EPHB1: variants seen among roughly 807,000 people sequenced by gnomAD.
The protein encoded by EPHB1 is ephrin type-B receptor 1.
In EPHB1, 30 loss-of-function variants were observed where a neutral mutation model predicts 94.4. That is an observed-to-expected ratio of 0.32 (90% CI 0.24 to 0.43). EPHB1 has a LOEUF of 0.43. EPHB1 is among the 20% of genes least tolerant of loss of function. EPHB1 has a pLI of 1.00. For missense variants in EPHB1, 1,055 were observed against 1,308.3 expected (o/e 0.81, Z 2.99); for synonymous variants, 522 against 489.1 (o/e 1.07, Z -0.89).
chr3:135,163,889 G>A (rs190595735), intron 7 of EPHB1, among the ~76,000 whole-genome samples: 6 of 152,278 alleles, frequency 3.9e-5, no homozygotes, highest in East Asian at 3.9e-4. Flanking sequence ...TCTGCAGAGC[G>A]AAGGTAGTCA....
chr3:135,003,544 A>G (rs1195549090), intron 3 of EPHB1, among the ~76,000 whole-genome samples: 1 of 151,074 alleles, frequency 6.6e-6, no homozygotes, highest in East Asian at 1.9e-4. Context: ...GATCTGTCTA[A>G]TGTTGACAGT....
intron 3 of EPHB1, among the ~76,000 whole-genome samples, chr3:135,100,967 G>A (rs11709421): frequency 0.23 from 34,486 of 151,980 alleles, 4,798 homozygotes; most frequent in Non-Finnish European, 0.32. Flanking sequence ...GGGGAGAGGG[G>A]TGCCATCAAA....
rs755049842 is a variant in EPHB1, at chr3:134,882,814, C to CTTTCTTTCTTTCTTTCTTTCTTTCT, written c.59-42991_59-42990insCTTTCTTTCTTTCTTTTCTTTCTTT. Among the ~76,000 whole-genome samples the CTTTCTTTCTTTCTTTCTTTCTTTCT allele has an allele frequency of 2.0e-3, 186 of 93,064 alleles. 1 individual carries two copies. The highest frequency in any genetic ancestry group is 4.4e-3 in the South Asian group (10 of 2,274). The allele number at this position is 93,064 out of a possible 152,430, so 61.1% of individuals were successfully genotyped here. ...TCTTTCTTTCTTTCTTTCTTTCTTT[C>CTTTCTTTCTTTCTTTCTTTCTTTCT]TTTCTTTCTTTTCTTTCTTTCTTTC... On this transcript the variant is annotated intron_variant, in intron 1 of 15. Transcript: ENST00000398015.
At chr3:134,827,954 G>A (rs1441963233) in intron 1 of EPHB1, among the ~76,000 whole-genome samples, 7 of 152,092 alleles carry the variant, frequency 4.6e-5, no homozygotes, top group Non-Finnish European at 8.8e-5. Flanking sequence ...CTCCTCACCA[G>A]CATCTCTTTG....
At chr3:134,809,802 G>A (rs2036134059) in intron 1 of EPHB1, among the ~76,000 whole-genome samples, 1 of 152,196 alleles carries the variant, frequency 6.6e-6, no homozygotes, top group Non-Finnish European at 1.5e-5. Flanking sequence ...AGATAATCCA[G>A]TGGTTCCTGA....
At chr3:135,010,898 A>G (rs1935599110) in intron 3 of EPHB1, among the ~76,000 whole-genome samples, 1 of 152,114 alleles carries the variant, frequency 6.6e-6, no homozygotes, top group Non-Finnish European at 1.5e-5. Flanking sequence ...CCCAACCTCC[A>G]TGATGTCAGT....
intron 1 of EPHB1, among the ~76,000 whole-genome samples, chr3:134,909,883 C>A (rs926477389): frequency 6.6e-6 from 1 of 152,174 alleles, no homozygotes; most frequent in Non-Finnish European, 1.5e-5. Context: ...AGACCAGGAT[C>A]AGCACTTCAA....
At position 135,204,667 on chromosome 3, in the gene EPHB1, A is replaced by AT. The variant is rs1052420777; in HGVS notation, c.2346+2992dup. 6.0e-3 allele frequency among the ~76,000 whole-genome samples: 850 copies of AT among 141,770 alleles called. 7 individuals are homozygous for AT. Among genetic ancestry groups the AT allele is most frequent in the East Asian group, 0.023 (111 of 4,918 alleles). The allele number at this position is 141,770 out of a possible 152,430, so 93.0% of individuals were successfully genotyped here. ...AGATGTGCGCCACTATGCCCTGCTA[A>AT]TTTTTTTTTTTTTTAAGTAGAGAAG... On this transcript the variant is annotated intron_variant, in intron 12 of 15. Coordinates refer to ENST00000398015, the MANE Select transcript of EPHB1 (RefSeq NM_004441.5).
chr3:135,182,589 C>T (rs78559824), intron 10 of EPHB1, among the ~76,000 whole-genome samples: 2,417 of 152,322 alleles, frequency 0.016, 26 homozygotes, highest in Middle Eastern at 0.034. Flanking sequence ...GAGCAGCATC[C>T]AGCTTGCTGT....
intron 3 of EPHB1, among the ~76,000 whole-genome samples, chr3:134,965,152 T>C (rs1933682663): frequency 6.6e-6 from 1 of 152,268 alleles, no homozygotes; most frequent in Admixed American, 6.5e-5. Flanking sequence ...ATTCTTTGCT[T>C]CCTTCACCTT....
chr3:135,220,204 G>A (rs765702525), intron 12 of EPHB1, among the ~76,000 whole-genome samples: 49 of 152,192 alleles, frequency 3.2e-4, no homozygotes, highest in Non-Finnish European at 6.0e-4. Context: ...AAGCAAGGGG[G>A]AAAGAGAGCA....
intron 15 of EPHB1, among the ~76,000 whole-genome samples, chr3:135,250,023 AAG>A (rs1283142982): frequency 6.6e-6 from 1 of 152,210 alleles, no homozygotes. Flanking sequence ...GAGAGCCAGA[AAG>A]AGTTTTAAAG....
chr3:134,890,292 T>C (rs1171911811), intron 1 of EPHB1, among the ~76,000 whole-genome samples: 2 of 152,392 alleles, frequency 1.3e-5, no homozygotes, highest in African/African-American at 4.8e-5. Flanking sequence ...TTCTGAATCA[T>C]GTCCCCTTTC....
intron 4 of EPHB1, among the ~76,000 whole-genome samples, chr3:135,125,155 A>G (rs746596866): frequency 6.6e-6 from 1 of 151,598 alleles, no homozygotes; most frequent in Non-Finnish European, 1.5e-5. Context: ...ATTACTTACC[A>G]GTCTGTCCAC....
intron 4 of EPHB1, among the ~76,000 whole-genome samples, chr3:135,125,903 G>T (rs1162479900): frequency 2.6e-5 from 4 of 152,034 alleles, no homozygotes; most frequent in African/African-American, 9.7e-5. Context: ...CTTGAATTCT[G>T]CTTCCCCATA....
At chr3:135,056,261 T>C (rs1937343970) in intron 3 of EPHB1, among the ~76,000 whole-genome samples, 1 of 152,236 alleles carries the variant, frequency 6.6e-6, no homozygotes, top group South Asian at 2.1e-4. Flanking sequence ...GTGGAGCTGG[T>C]GCTCTGGGAA....
At chr3:135,002,674 G>A (rs1254012336) in intron 3 of EPHB1, among the ~76,000 whole-genome samples, 8 of 152,100 alleles carry the variant, frequency 5.3e-5, no homozygotes, top group African/African-American at 1.2e-4. Flanking sequence ...ACTTCTTCCT[G>A]GTTTAGTCTT....
intron 5 of EPHB1, among the ~76,000 whole-genome samples, chr3:135,149,267 A>C (rs1047857250): frequency 1.3e-5 from 2 of 152,186 alleles, no homozygotes; most frequent in Admixed American, 6.5e-5. Context: ...CTCTCAGTAG[A>C]ATGTGTAATT....
chr3:134,939,191 C>G (rs972519598), intron 2 of EPHB1, among the ~76,000 whole-genome samples: 3 of 152,270 alleles, frequency 2.0e-5, no homozygotes, highest in South Asian at 2.1e-4. Context: ...CACCCCCATC[C>G]CCTTGCTGTG....
Sources: gnomAD v4.1 joint callset for allele counts (sites outside exome capture counted in the v4.1 genomes callset) on GRCh38, gnomAD v4.1.1 for gene constraint, MANE v1.5 for transcripts, NCBI Gene and HGNC (gene_info 2026-07-23, HGNC 2026-07-21) for gene names.